Variants in TUSC3 observed in about 807,000 individuals in gnomAD.
TUSC3 encodes the protein dolichyl-diphosphooligosaccharide--protein glycosyltransferase subunit TUSC3.
TUSC3 carries 45 observed loss-of-function variants against 44.8 expected under a neutral mutation model. That is an observed-to-expected ratio of 1.00 (90% confidence interval 0.79 to 1.29). TUSC3 has a LOEUF of 1.29. Among genes scored for constraint, TUSC3 ranks in the 50% most tolerant of loss-of-function variants. The probability of loss-of-function intolerance (pLI) is 0.00; values close to 1 mark genes in which losing one functional copy is unlikely to be tolerated. For missense variants in TUSC3, 519 were observed against 437.9 expected (o/e 1.19, Z -1.65); for synonymous variants, 212 against 152.9 (o/e 1.39, Z -2.85).
At chr8:15,585,585 A>T (rs1175816108) in intron 1 of TUSC3, among the ~76,000 whole-genome samples, 1 of 152,156 alleles carries the variant, frequency 6.6e-6, no homozygotes, top group Non-Finnish European at 1.5e-5. Flanking sequence ...AATTTCTTGT[A>T]GCTCCACCCT....
At chr8:15,818,044 G>A in the TUSC3 span, among the ~76,000 whole-genome samples, 1 of 152,156 alleles carries the variant, frequency 6.6e-6, no homozygotes, top group Admixed American at 6.5e-5. Context: ...CAGTCAAGAT[G>A]AAAATAAAAT....
chr8:15,633,406 T>A (rs1035178355), intron 2 of TUSC3, among the ~76,000 whole-genome samples: 12 of 152,160 alleles, frequency 7.9e-5, no homozygotes, highest in Non-Finnish European at 1.5e-4. Context: ...TACCTCCTGT[T>A]ATATGTGGAA....
intron 2 of TUSC3, among the ~76,000 whole-genome samples, chr8:15,485,174 A>G (rs1049465071): frequency 2.0e-5 from 3 of 152,022 alleles, no homozygotes; most frequent in Non-Finnish European, 4.4e-5. Flanking sequence ...CATATTCCTC[A>G]TTTGTATCTA....
At chr8:15,685,146 G>T (rs1402362651) in intron 6 of TUSC3, among the ~76,000 whole-genome samples, 1 of 152,184 alleles carries the variant, frequency 6.6e-6, no homozygotes, top group Non-Finnish European at 1.5e-5. Context: ...TTTGAGCTGT[G>T]CTTCTGCCTA....
At chr8:15,643,529 T>C (rs1291060680) in intron 2 of TUSC3, among the ~76,000 whole-genome samples, 1 of 152,198 alleles carries the variant, frequency 6.6e-6, no homozygotes, top group African/African-American at 2.4e-5. Flanking sequence ...CTTTAAAATA[T>C]GTATTTGGAT....
chr8:15,690,409 C>G (rs1351894920), intron 6 of TUSC3, among the ~76,000 whole-genome samples: 2 of 151,476 alleles, frequency 1.3e-5, no homozygotes, highest in Non-Finnish European at 2.9e-5. Flanking sequence ...AGACCTTTGT[C>G]AAATGTATAA....
intron 1 of TUSC3, among the ~76,000 whole-genome samples, chr8:15,449,893 A>G (rs1800171190): frequency 6.6e-6 from 1 of 151,926 alleles, no homozygotes; most frequent in Non-Finnish European, 1.5e-5. Context: ...AATATCTACC[A>G]TTGTGTTACG....
At chr8:15,440,169 G>A (rs2129118307) in intron 1 of TUSC3, among the ~76,000 whole-genome samples, 1 of 152,328 alleles carries the variant, frequency 6.6e-6, no homozygotes, top group South Asian at 2.1e-4. Flanking sequence ...GAGGAAATGA[G>A]GCTTCAGCTG....
chr8:15,469,860 G>C (rs1000290531), intron 1 of TUSC3, among the ~76,000 whole-genome samples: 35 of 152,174 alleles, frequency 2.3e-4, no homozygotes, highest in African/African-American at 8.4e-4. Flanking sequence ...AGAAACATAA[G>C]TGTATGTTAC....
At chr8:15,568,955 TTAGTC>T (rs1282887649) in intron 1 of TUSC3, among the ~76,000 whole-genome samples, 1 of 152,138 alleles carries the variant, frequency 6.6e-6, no homozygotes, top group Non-Finnish European at 1.5e-5. Flanking sequence ...ACTACTTTCT[TTAGTC>T]ATTCAGGAGG....
At chr8:15,760,892 C>A (rs1812143993) in intron 10 of TUSC3, among the ~76,000 whole-genome samples, 1 of 152,184 alleles carries the variant, frequency 6.6e-6, no homozygotes, top group South Asian at 2.1e-4. Context: ...GCTGTCCCTG[C>A]ATCTTACTTG....
chr8:15,610,679 A>T (rs765006247), intron 1 of TUSC3, among the ~76,000 whole-genome samples: 8 of 152,220 alleles, frequency 5.3e-5, no homozygotes, highest in Non-Finnish European at 1.0e-4. Flanking sequence ...GGCAAATTGA[A>T]GTAAACCCCT....
At chr8:15,658,028 G>A (rs1354056939) in intron 3 of TUSC3, among the ~76,000 whole-genome samples, 2 of 152,112 alleles carry the variant, frequency 1.3e-5, no homozygotes, top group Non-Finnish European at 2.9e-5. Flanking sequence ...CATGAGAGTG[G>A]AGCCCTCATA....
Position 15,457,875 on chromosome 8 carries a change from G to A in TUSC3, n.92-25511G>A, listed in dbSNP as rs946270943. On this transcript the variant is annotated intron_variant and non_coding_transcript_variant, in intron 1 of 5. Transcript: ENST00000503191. The stretch of plus-strand genomic sequence containing the variant: ...TAATAATTATCTAATAAATTAATTA[G>A]ATAATTACTAATTAATTAATTAGAT... Among the ~76,000 whole-genome samples the A allele has an allele frequency of 8.8e-5, 13 of 147,554 alleles. No individual in the cohort carries two copies. The South Asian group carries it at 1.3e-3, about 14-fold the overall frequency.
In TUSC3 at chr8:15,656,435, G is replaced by C. The variant is rs555819681; in HGVS notation, c.427-3072G>C. Among the ~76,000 whole-genome samples the C allele has an allele frequency of 7.2e-5, 11 of 152,206 alleles. No individual in the cohort carries two copies. In the East Asian group the frequency reaches 1.2e-3, roughly 16 times the overall value. On this transcript the variant is annotated intron_variant, in intron 3 of 10. Transcript: ENST00000503731. ...CCTTCCAAAAGGGAGAAATAGGCAA[G>C]AAAAGAAAAAGGGGTAACTGGCTCC...
intron 1 of TUSC3, among the ~76,000 whole-genome samples, chr8:15,469,106 G>A (rs1800451715): frequency 6.6e-6 from 1 of 152,112 alleles, no homozygotes; most frequent in Admixed American, 6.6e-5. Context: ...CTTCTCAAGC[G>A]ATAATGAAGC....
chr8:15,460,903 C>G (rs1281315437), intron 1 of TUSC3, among the ~76,000 whole-genome samples: 1 of 152,072 alleles, frequency 6.6e-6, no homozygotes, highest in Non-Finnish European at 1.5e-5. Flanking sequence ...GTTTTTATAC[C>G]AGCATCACCC....
chr8:15,591,687 T>C (rs1227343005), intron 1 of TUSC3, among the ~76,000 whole-genome samples: 1 of 152,174 alleles, frequency 6.6e-6, no homozygotes, highest in East Asian at 1.9e-4. Context: ...GATCTGACTT[T>C]TAAGTAAGAA....
At chr8:15,753,822 A>G (rs1811809896) in intron 9 of TUSC3, among the ~76,000 whole-genome samples, 2 of 152,102 alleles carry the variant, frequency 1.3e-5, no homozygotes, top group South Asian at 2.1e-4. Context: ...CAGTACAGGG[A>G]AAGCAAATAT....
Sources: allele counts gnomAD v4.1 joint callset (sites outside exome capture counted in the v4.1 genomes callset), GRCh38; gene constraint gnomAD v4.1.1; transcripts MANE v1.5; gene names NCBI Gene and HGNC (gene_info 2026-07-23, HGNC 2026-07-21).